Variants in UBQLN1 observed in about 807,000 individuals in gnomAD.
UBQLN1 encodes the protein ubiquilin 1.
UBQLN1 carries 13 observed loss-of-function variants against 65.4 expected under a neutral mutation model. The observed-to-expected ratio is 0.20, with a 90% CI of 0.13 to 0.32. The LOEUF is 0.32. Among genes scored for constraint, UBQLN1 ranks in the 10% least tolerant of loss-of-function variants. UBQLN1 has a pLI of 1.00. For missense variants in UBQLN1, 561 were observed against 724.0 expected (o/e 0.77, Z 2.58); for synonymous variants, 267 against 247.8 (o/e 1.08, Z -0.73).
At chr9:83,702,598 C>T (rs1832330082) in intron 1 of UBQLN1, among the ~76,000 whole-genome samples, 1 of 152,158 alleles carries the variant, frequency 6.6e-6, no homozygotes, top group African/African-American at 2.4e-5. Flanking sequence ...AACTCACGAT[C>T]TGCAAAATAC....
chr9:83,684,128 C>T (rs1015294976), intron 2 of UBQLN1, among the ~76,000 whole-genome samples: 3 of 152,040 alleles, frequency 2.0e-5, no homozygotes, highest in African/African-American at 7.2e-5. Flanking sequence ...TTCTTGAAAA[C>T]AATAAAAAGC....
intron 6 of UBQLN1, among the ~76,000 whole-genome samples, chr9:83,676,209 T>C (rs985254728): frequency 1.3e-5 from 2 of 149,780 alleles, no homozygotes; most frequent in African/African-American, 2.4e-5. Flanking sequence ...TGTACAAATA[T>C]GCTGACAATC....
Position 83,707,931 on chromosome 9 carries a change from C to G in UBQLN1, c.-252G>C, listed in dbSNP as rs1031966392. On this transcript the variant is annotated 5_prime_UTR_variant, in exon 1 of 11. Transcript: ENST00000376395. The stretch of plus-strand genomic sequence containing the variant: ...AGGCGCCGCTCGCTCACACCGACAT[C>G]CGCAGCAGCCACCGCTTCCTCCTCC... 1 of 510,596 alleles carries G rather than the reference C, an allele frequency of 2.0e-6. No individual in the cohort carries two copies. The highest frequency in any genetic ancestry group is 3.4e-6 in the Non-Finnish European group (1 of 297,682). The allele number at this position is 510,596 out of a possible 1,614,324, so 31.6% of individuals were successfully genotyped here.
chr9:83,693,951 G>C (rs549136418), intron 1 of UBQLN1, among the ~76,000 whole-genome samples: 2 of 152,276 alleles, frequency 1.3e-5, no homozygotes, highest in South Asian at 2.1e-4. Context: ...GAAATTTCCT[G>C]GGCACAATTC....
intron 1 of UBQLN1, among the ~76,000 whole-genome samples, chr9:83,698,213 G>C (rs183038029): frequency 6.6e-6 from 1 of 152,182 alleles, no homozygotes; most frequent in South Asian, 2.1e-4. Context: ...GAAAGAGCCA[G>C]TGATATTTGA....
At chr9:83,674,658 T>C (rs1410853472) in intron 6 of UBQLN1, among the ~76,000 whole-genome samples, 2 of 152,038 alleles carry the variant, frequency 1.3e-5, no homozygotes, top group Admixed American at 6.6e-5. Context: ...TTTCTCAGAG[T>C]TAAGGATGTC....
intron 1 of UBQLN1, among the ~76,000 whole-genome samples, chr9:83,688,855 C>T (rs1197965511): frequency 7.1e-6 from 1 of 140,420 alleles, no homozygotes; most frequent in Non-Finnish European, 1.6e-5. Flanking sequence ...GAGCGAAACT[C>T]CGTTTCAAAA....
intron 6 of UBQLN1, among the ~76,000 whole-genome samples, chr9:83,676,422 C>T (rs886788104): frequency 1.3e-5 from 2 of 152,158 alleles, no homozygotes; most frequent in Non-Finnish European, 2.9e-5. Context: ...CTTAACCAGT[C>T]AGGAAATATG....
intron 1 of UBQLN1, among the ~76,000 whole-genome samples, chr9:83,687,994 T>C (rs1281276139): frequency 6.6e-6 from 1 of 152,182 alleles, no homozygotes; most frequent in Non-Finnish European, 1.5e-5. Context: ...CAGAAAATCT[T>C]CACAGAACAC....
chr9:83,696,390 G>A (rs2131182213), intron 1 of UBQLN1, among the ~76,000 whole-genome samples: 1 of 152,096 alleles, frequency 6.6e-6, no homozygotes, highest in East Asian at 1.9e-4. Context: ...AAATCACATT[G>A]TTAAAATATT....
At chr9:83,673,692 T>C (rs1831779171) in intron 6 of UBQLN1, among the ~76,000 whole-genome samples, 1 of 152,022 alleles carries the variant, frequency 6.6e-6, no homozygotes, top group African/African-American at 2.4e-5. Flanking sequence ...ATGAATACCA[T>C]TTTATTGGAA....
intron 1 of UBQLN1, among the ~76,000 whole-genome samples, chr9:83,707,253 G>A (rs1467167734): frequency 1.3e-5 from 2 of 152,290 alleles, no homozygotes; most frequent in Non-Finnish European, 1.5e-5. Flanking sequence ...GCGGATACCA[G>A]AGAAGGAAGG....
At position 83,678,594 on chromosome 9, in the gene UBQLN1, C is replaced by T. The variant is rs1831882563; in HGVS notation, c.717G>A (p.Leu239=). ...TCATTGCTGGATTCCTGGCAAGTTC[C>T]AACGTCTACGAAAAATATTTCCAAA... ...LNNPDIMRQT[L]ELARNPAMMQ... The change falls in exon 5 of 11, where the codon TTG becomes TTA. Residue 239 remains leucine, a synonymous_variant. Coordinates refer to ENST00000376395, the MANE Select transcript of UBQLN1 (RefSeq NM_013438.5). The T allele has an allele frequency of 1.3e-6, 2 of 1,591,438 alleles. No individual in the cohort carries two copies. The highest frequency in any genetic ancestry group is 1.9e-5 in the Admixed American group (1 of 53,850).
chr9:83,703,933 T>C (rs890015553), intron 1 of UBQLN1, among the ~76,000 whole-genome samples: 3 of 152,184 alleles, frequency 2.0e-5, no homozygotes, highest in African/African-American at 7.2e-5. Context: ...TTAACGTAAT[T>C]TCATCTAATC....
intron 10 of UBQLN1, 54 bp from the exon 11 acceptor site, chr9:83,661,993 C>T: frequency 2.0e-6 from 3 of 1,536,162 alleles, no homozygotes; most frequent in African/African-American, 1.4e-5. Flanking sequence ...GTCCCTGCCA[C>T]ACATGACTTT....
At chr9:83,686,290 G>A (rs1370623048) in intron 1 of UBQLN1, 135 bp from the exon 2 acceptor site, 4 of 602,230 alleles carry the variant, frequency 6.6e-6, no homozygotes, top group East Asian at 3.4e-5. Flanking sequence ...GTTCCAGGAG[G>A]CTGAGGCAGG....
At chr9:83,670,892 G>A (rs535831811) in intron 6 of UBQLN1, among the ~76,000 whole-genome samples, 19 of 152,258 alleles carry the variant, frequency 1.2e-4, no homozygotes, top group African/African-American at 4.3e-4. Context: ...TCTACAAAAA[G>A]CAACTCCTCA....
At chr9:83,662,738 T>C (rs775501886) in intron 10 of UBQLN1, among the ~76,000 whole-genome samples, 4 of 152,310 alleles carry the variant, frequency 2.6e-5, no homozygotes, top group Non-Finnish European at 5.9e-5. Flanking sequence ...GGAATACAGA[T>C]ATGTATGAGA....
chr9:83,683,414 CAAA>C (rs766459859), intron 2 of UBQLN1, among the ~76,000 whole-genome samples: 82 of 70,946 alleles, frequency 1.2e-3, no homozygotes, highest in South Asian at 1.6e-3. Flanking sequence ...GACTCCGTCT[CAAA>C]AAAAAAAAAA....
Sources: allele counts gnomAD v4.1 joint callset (sites outside exome capture counted in the v4.1 genomes callset), GRCh38; gene constraint gnomAD v4.1.1; transcripts MANE v1.5; gene names NCBI Gene and HGNC (gene_info 2026-07-23, HGNC 2026-07-21).